SLC35F1: variants seen among roughly 807,000 people sequenced by gnomAD.
SLC35F1 encodes the protein solute carrier family 35 member F1, also known as chromosome 6 open reading frame 169.
SLC35F1 carries 14 observed loss-of-function variants against 48.7 expected under a neutral mutation model. The ratio of observed to expected loss-of-function variants is 0.29; its 90% CI spans 0.19 to 0.45. The LOEUF (loss-of-function observed/expected upper bound fraction) is 0.45. SLC35F1 is among the 20% of genes least tolerant of loss of function. SLC35F1 has a pLI of 1.00. For synonymous variants in SLC35F1, 190 were observed against 202.2 expected (o/e 0.94, Z 0.51); for missense variants, 404 against 500.0 (o/e 0.81, Z 1.83).
At chr6:118,182,534 A>AGGAAGGAAGGAAGGAAGGAG (rs1774595892) in intron 2 of SLC35F1, among the ~76,000 whole-genome samples, 1 of 124,842 alleles carries the variant, frequency 8.0e-6, no homozygotes, top group South Asian at 2.5e-4. Context: ...GAAGGAAGGA[A>AGGAAGGAAGGAAGGAAGGAG]GGAAGGAAGG....
chr6:117,994,106 C>T (rs1160550741), intron 1 of SLC35F1, among the ~76,000 whole-genome samples: 1 of 152,018 alleles, frequency 6.6e-6, no homozygotes, highest in East Asian at 1.9e-4. Context: ...AATTAAGTTC[C>T]CTGTGGTTGT....
intron 1 of SLC35F1, among the ~76,000 whole-genome samples, chr6:118,112,086 CTTTTCTTTTCTTTTCTTTTCTTTTCT>C (rs1773412876): frequency 2.0e-4 from 3 of 14,854 alleles, no homozygotes; most frequent in South Asian, 6.8e-3. Flanking sequence ...TTATTTCTTT[CTTTTCTTTTCTTTTCTTTTCTTTTCT>C]TTTCTTTTCT....
intron 1 of SLC35F1, chr6:117,999,256 T>A (rs997317746): frequency 6.3e-7 from 1 of 1,596,132 alleles, no homozygotes. Flanking sequence ...GCAAGCTCGA[T>A]CGACATGCCT....
intron 1 of SLC35F1, among the ~76,000 whole-genome samples, chr6:118,127,552 A>T (rs1355337655): frequency 6.6e-6 from 1 of 152,196 alleles, no homozygotes. Context: ...AAAAACAAGC[A>T]ATGGGGAAAG....
At chr6:117,987,340 CT>C (rs1395225724) in intron 1 of SLC35F1, among the ~76,000 whole-genome samples, 2 of 149,986 alleles carry the variant, frequency 1.3e-5, no homozygotes, top group African/African-American at 4.9e-5. Context: ...TTTCTTCCTC[CT>C]CCTCTTATTC....
intron 2 of SLC35F1, among the ~76,000 whole-genome samples, chr6:118,171,746 A>G (rs1774407140): frequency 1.3e-5 from 2 of 152,240 alleles, no homozygotes; most frequent in East Asian, 3.9e-4. Context: ...TTATATGTTT[A>G]TTGGCAACAT....
intron 1 of SLC35F1, among the ~76,000 whole-genome samples, chr6:117,991,495 A>T (rs893840693): frequency 6.6e-6 from 1 of 152,194 alleles, no homozygotes; most frequent in Non-Finnish European, 1.5e-5. Flanking sequence ...TTGATTTTTC[A>T]CTTGCCATAC....
chr6:118,133,696 A>C (rs930873493), intron 1 of SLC35F1, among the ~76,000 whole-genome samples: 1 of 152,202 alleles, frequency 6.6e-6, no homozygotes, highest in African/African-American at 2.4e-5. Flanking sequence ...GATCCAGAAC[A>C]CCATCTTCTT....
chr6:117,920,706 C>T (rs1313107495), intron 1 of SLC35F1, among the ~76,000 whole-genome samples: 1 of 152,100 alleles, frequency 6.6e-6, no homozygotes, highest in Non-Finnish European at 1.5e-5. Flanking sequence ...TATGTTTACT[C>T]GTACTAATCC....
chr6:117,962,129 T>A (rs1193661885), intron 1 of SLC35F1, among the ~76,000 whole-genome samples: 4 of 152,202 alleles, frequency 2.6e-5, no homozygotes, highest in Non-Finnish European at 5.9e-5. Flanking sequence ...GAGTCCTCAA[T>A]GTATAACATT....
intron 7 of SLC35F1, among the ~76,000 whole-genome samples, chr6:118,312,395 G>A (rs1211930916): frequency 2.6e-5 from 4 of 152,210 alleles, no homozygotes; most frequent in African/African-American, 9.6e-5. Context: ...CAACTGTACT[G>A]TTAGTGGTCT....
intron 1 of SLC35F1, among the ~76,000 whole-genome samples, chr6:117,924,206 T>G (rs1289340757): frequency 3.4e-5 from 3 of 88,140 alleles, no homozygotes; most frequent in African/African-American, 1.5e-4. Flanking sequence ...TGCATATGTA[T>G]ATACACACAT....
intron 1 of SLC35F1, among the ~76,000 whole-genome samples, chr6:118,093,640 TG>T (rs1261366745): frequency 6.6e-6 from 1 of 152,248 alleles, no homozygotes; most frequent in African/African-American, 2.4e-5. Flanking sequence ...CCCAGCCATG[TG>T]GAACTGTGAG....
At chr6:118,297,237 T>A (rs369383) in intron 7 of SLC35F1, among the ~76,000 whole-genome samples, 84,439 of 151,984 alleles carry the variant, frequency 0.56, 24,126 homozygotes, top group African/African-American at 0.68. Context: ...ATGGTTTTTA[T>A]ACCATACTTC....
At chr6:117,953,539 T>C (rs1338385585) in intron 1 of SLC35F1, among the ~76,000 whole-genome samples, 1 of 152,164 alleles carries the variant, frequency 6.6e-6, no homozygotes, top group Non-Finnish European at 1.5e-5. Flanking sequence ...ACAAATCCAC[T>C]TACCAATCCC....
At chr6:117,994,993 C>T (rs1034137712) in intron 1 of SLC35F1, among the ~76,000 whole-genome samples, 1 of 152,170 alleles carries the variant, frequency 6.6e-6, no homozygotes, top group African/African-American at 2.4e-5. Flanking sequence ...TATCAGCACT[C>T]CTTGAATTAC....
intron 7 of SLC35F1, among the ~76,000 whole-genome samples, chr6:118,303,775 G>A (rs192930303): frequency 9.1e-4 from 139 of 152,264 alleles, no homozygotes; most frequent in African/African-American, 3.2e-3. Flanking sequence ...AAGCTCTCTG[G>A]TGTCTCTGCT....
intron 1 of SLC35F1, among the ~76,000 whole-genome samples, chr6:118,011,543 A>T (rs747321703): frequency 3.3e-5 from 5 of 152,158 alleles, no homozygotes; most frequent in Non-Finnish European, 5.9e-5. Flanking sequence ...TTACAATTCA[A>T]TGAGATTTGG....
intron 1 of SLC35F1, among the ~76,000 whole-genome samples, chr6:117,920,697 A>G (rs1045432009): frequency 1.3e-5 from 2 of 152,298 alleles, no homozygotes; most frequent in Admixed American, 1.3e-4. Flanking sequence ...TACAAAGAGT[A>G]TGTTTACTCG....
Sources: allele counts gnomAD v4.1 joint callset (sites outside exome capture counted in the v4.1 genomes callset), GRCh38; gene constraint gnomAD v4.1.1; transcripts MANE v1.5; gene names NCBI Gene and HGNC (gene_info 2026-07-23, HGNC 2026-07-21).